Variants in ACSM3 observed in about 807,000 individuals in gnomAD.
ACSM3 encodes acyl-CoA synthetase medium chain family member 3.
ACSM3 carries 61 observed loss-of-function variants against 74.1 expected under a neutral mutation model. The observed-to-expected ratio is 0.82, with a 90% CI of 0.67 to 1.02. The LOEUF is 1.02. Ranked by LOEUF, ACSM3 falls within the 50% of genes least tolerant of loss-of-function variation. The pLI is 0.00. For missense variants in ACSM3, 660 were observed against 697.0 expected (o/e 0.95, Z 0.60); for synonymous variants, 213 against 241.5 (o/e 0.88, Z 1.09).
At chr16:20,740,663 G>A (rs930833301) in intron 1 of ACSM3, among the ~76,000 whole-genome samples, 3 of 152,132 alleles carry the variant, frequency 2.0e-5, no homozygotes, top group Non-Finnish European at 2.9e-5. Flanking sequence ...AGGATGAGCC[G>A]TGAATTTAAA....
In ACSM3 at chr16:20,737,329, T is replaced by C. The variant is rs866130055; in HGVS notation, c.-189-12581T>C. 7 of 1,542,502 alleles carry C rather than the reference T, an allele frequency of 4.5e-6. 1 individual carries two copies. The Middle Eastern group carries it at 1.2e-3, about 270-fold the overall frequency. ...AAACACATAGCTGAGGAGGATACCA[T>C]TACATCTGATAGATACAAAAAATCT... On this transcript the variant is annotated intron_variant, in intron 1 of 3. Coordinates refer to the ACSM3 transcript ENST00000561584.
intron 1 of ACSM3, among the ~76,000 whole-genome samples, chr16:20,710,272 A>G (rs945765681): frequency 2.0e-5 from 3 of 152,260 alleles, no homozygotes; most frequent in African/African-American, 7.2e-5. Context: ...TATTCCACCA[A>G]TGGGCACAAC....
At chr16:20,753,045 G>A (rs2080000342) in intron 2 of ACSM3, among the ~76,000 whole-genome samples, 1 of 150,076 alleles carries the variant, frequency 6.7e-6, no homozygotes, top group Admixed American at 6.6e-5. Flanking sequence ...GAATTACAAA[G>A]AAAAAGAAGA....
chr16:20,770,444 A>G (rs752588373), intron 2 of ACSM3, among the ~76,000 whole-genome samples, 191 bp downstream of exon 2: 7 of 152,204 alleles, frequency 4.6e-5, no homozygotes, highest in Non-Finnish European at 7.3e-5. Flanking sequence ...CCTCCAGAAC[A>G]AAGAATTATT....
intron 1 of ACSM3, among the ~76,000 whole-genome samples, chr16:20,747,950 G>T (rs1403246492): frequency 1.3e-5 from 2 of 152,060 alleles, no homozygotes; most frequent in Non-Finnish European, 2.9e-5. Context: ...AGACCAACCT[G>T]GGCAACATGG....
chr16:20,747,931 A>G (rs933574404), intron 1 of ACSM3, among the ~76,000 whole-genome samples: 2 of 152,176 alleles, frequency 1.3e-5, no homozygotes, highest in Non-Finnish European at 2.9e-5. Context: ...GCTTGAGCTC[A>G]GGAGTTCCAG....
At chr16:20,751,347 TTTC>T (rs1178791723) in intron 2 of ACSM3, among the ~76,000 whole-genome samples, 2 of 152,264 alleles carry the variant, frequency 1.3e-5, no homozygotes, top group East Asian at 3.8e-4. Context: ...CTTTTTCCTG[TTTC>T]TTGTTTCCCT....
chr16:20,796,555 C>T, intron 13 of ACSM3, 66 bp downstream of exon 13: 1 of 1,591,430 alleles, frequency 6.3e-7, no homozygotes, highest in Non-Finnish European at 8.5e-7. Flanking sequence ...TTTATTTTTA[C>T]ATTTTAATGA....
chr16:20,786,346 A>G lies in ACSM3; in HGVS notation c.1224+188A>G, dbSNP rs1042354929. On this transcript the variant is annotated intron_variant, in intron 9 of 13. Coordinates refer to ENST00000289416, the MANE Select transcript of ACSM3 (RefSeq NM_005622.4). ...CTTCTTGGTCTCCATTATTTTGCAAATACCCATATTGTACCATACAGTTCT... is the reference window on the plus strand; with the variant it reads ...CTTCTTGGTCTCCATTATTTTGCAAGTACCCATATTGTACCATACAGTTCT... 41 of 1,226,280 alleles carry G rather than the reference A, an allele frequency of 3.3e-5. No individual in the cohort carries two copies. In the African/African-American group the frequency reaches 5.9e-4, roughly 18 times the overall value. 76.0% of individuals were successfully genotyped at this position (1,226,280 alleles called of 1,614,324 possible).
chr16:20,742,641 C>CA (rs35133233), intron 1 of ACSM3, among the ~76,000 whole-genome samples: 59,596 of 129,520 alleles, frequency 0.46, 15,169 homozygotes, highest in Non-Finnish European at 0.59. Flanking sequence ...GGCTCTGTCT[C>CA]AAAAAAAAAA....
intron 1 of ACSM3, among the ~76,000 whole-genome samples, chr16:20,768,490 G>A (rs1307604852): frequency 6.6e-6 from 1 of 152,200 alleles, no homozygotes; most frequent in Non-Finnish European, 1.5e-5. Context: ...GATGATGATG[G>A]TGGTTCACAA....
intron 1 of ACSM3, among the ~76,000 whole-genome samples, chr16:20,730,138 A>G (rs1246180164): frequency 1.3e-5 from 2 of 152,174 alleles, no homozygotes; most frequent in African/African-American, 4.8e-5. Flanking sequence ...CATTGGAGGT[A>G]GGGGTTGGTG....
intron 1 of ACSM3, chr16:20,728,457 A>G: frequency 6.8e-6 from 9 of 1,332,792 alleles, no homozygotes; most frequent in Non-Finnish European, 9.6e-6. Context: ...ACTAAAGTCT[A>G]CACAGCCCTT....
At chr16:20,746,220 C>T (rs1046996940) in intron 1 of ACSM3, among the ~76,000 whole-genome samples, 1 of 152,222 alleles carries the variant, frequency 6.6e-6, no homozygotes, top group East Asian at 1.9e-4. Context: ...CTCTCAGCCA[C>T]TGTTCAGTCA....
At chr16:20,794,420 G>A (rs1229467454) in intron 12 of ACSM3, among the ~76,000 whole-genome samples, 1 of 152,146 alleles carries the variant, frequency 6.6e-6, no homozygotes, top group East Asian at 1.9e-4. Context: ...CATCCAATGC[G>A]ATAGCCATGC....
At chr16:20,723,791 A>G (rs1596485522) in intron 1 of ACSM3, among the ~76,000 whole-genome samples, 1 of 152,170 alleles carries the variant, frequency 6.6e-6, no homozygotes, top group Middle Eastern at 3.4e-3. Context: ...CCCTTTGTCA[A>G]ATGAGTAGGT....
At chr16:20,769,273 G>A in intron 1 of ACSM3, among the ~76,000 whole-genome samples, 1 of 152,228 alleles carries the variant, frequency 6.6e-6, no homozygotes, top group East Asian at 1.9e-4. Context: ...AAATGACATT[G>A]TGATCAAATG....
At chr16:20,714,285 G>C (rs184158589) in intron 1 of ACSM3, among the ~76,000 whole-genome samples, 73 of 151,512 alleles carry the variant, frequency 4.8e-4, no homozygotes, top group African/African-American at 1.6e-3. Flanking sequence ...AAAATATGGA[G>C]ATAGAGTGAA....
intron 1 of ACSM3, chr16:20,711,648 G>T: frequency 3.8e-6 from 3 of 799,116 alleles, no homozygotes; most frequent in South Asian, 2.9e-5. Context: ...CACAAAGCCG[G>T]AACAGGTGGC....
Sources: allele counts gnomAD v4.1 joint callset (sites outside exome capture counted in the v4.1 genomes callset), GRCh38; gene constraint gnomAD v4.1.1; transcripts MANE v1.5; gene names NCBI Gene and HGNC (gene_info 2026-07-23, HGNC 2026-07-21).